The following EWSR1 variants were observed in gnomAD, a reference collection of about 807,000 sequenced individuals.
The protein encoded by EWSR1 is EWS RNA binding protein 1, also known as RNA-binding protein EWS.
Under a neutral mutation model 92.1 loss-of-function variants are expected in EWSR1, and 14 were observed. The observed-to-expected ratio is 0.15, with a 90% CI of 0.10 to 0.24. The LOEUF is 0.24. EWSR1 is among the 10% of genes least tolerant of loss of function. The pLI is 1.00. For synonymous variants in EWSR1, 303 were observed against 292.9 expected (o/e 1.03, Z -0.35); for missense variants, 637 against 870.9 (o/e 0.73, Z 3.38).
At chr22:29,282,336 C>T (rs1008415872) in intron 5 of EWSR1, 54 bp from the exon 6 acceptor site, 18 of 1,442,814 alleles carry the variant, frequency 1.2e-5, no homozygotes, top group Non-Finnish European at 1.4e-5. Flanking sequence ...TTGTGGTTGA[C>T]CAACCACACA....
chr22:29,274,854 C>T (rs1258034214), intron 4 of EWSR1, among the ~76,000 whole-genome samples: 1 of 152,060 alleles, frequency 6.6e-6, no homozygotes, highest in Non-Finnish European at 1.5e-5. Context: ...TTTTTGTGTT[C>T]AGTGCTGTGT....
chr22:29,299,064 G>T, intron 14 of EWSR1, 169 bp downstream of exon 14: 1 of 1,403,006 alleles, frequency 7.1e-7, no homozygotes, highest in Non-Finnish European at 9.7e-7. Flanking sequence ...GCCTTCTGAA[G>T]ATTGATTTGA....
At chr22:29,274,412 A>G (rs2058941312) in intron 4 of EWSR1, 1 of 978,160 alleles carries the variant, frequency 1.0e-6, no homozygotes. Context: ...GCAAGGTGCT[A>G]ATGAAAAACT....
intron 5 of EWSR1, 128 bp downstream of exon 5, chr22:29,278,344 C>T (rs1205596231): frequency 1.2e-6 from 1 of 825,398 alleles, no homozygotes; most frequent in African/African-American, 1.7e-5. Flanking sequence ...CAGATGTTCA[C>T]TGTTAGTAAC....
In EWSR1 at chr22:29,273,809, C is replaced by T. The variant is rs2058884453; in HGVS notation, c.171C>T (p.Thr57=). ...PTDVSYTQAQ[T]TATYGQTAYA... is the part of the protein sequence containing the mutation. Reference sequence around the variant, plus strand: ...ATGTCAGCTATACCCAGGCTCAGACCACTGCAACCTATGGGCAGACCGCCT... The same window carrying T: ...ATGTCAGCTATACCCAGGCTCAGACTACTGCAACCTATGGGCAGACCGCCT... Residue 57 remains threonine, a synonymous_variant, in exon 4 of 17, where the codon ACC becomes ACT. Coordinates refer to ENST00000397938, the MANE Select transcript of EWSR1 (RefSeq NM_005243.4). The T allele has an allele frequency of 6.2e-7, 1 of 1,613,980 alleles. No individual in the cohort carries two copies. The highest frequency in any genetic ancestry group is 8.5e-7 in the Non-Finnish European group (1 of 1,179,946).
intron 1 of EWSR1, 81 bp from the exon 2 acceptor site, chr22:29,272,135 C>T (rs2058729314): frequency 7.8e-7 from 1 of 1,277,550 alleles, no homozygotes; most frequent in Non-Finnish European, 1.1e-6. Context: ...TTCTTCCTGC[C>T]ACGTGAATTC....
chr22:29,285,185 G>A (rs550011200), intron 6 of EWSR1, among the ~76,000 whole-genome samples: 2 of 145,602 alleles, frequency 1.4e-5, no homozygotes, highest in South Asian at 2.2e-4. Flanking sequence ...GTGCAGTGGC[G>A]CTGTCTTGGC....
Position 29,298,870 on chromosome 22 carries a change from G to A in EWSR1, c.1555G>A (p.Ala519Thr). The change falls in exon 14 of 17, where the codon GCT (alanine) becomes ACT (threonine). Residue 519 changes from alanine to threonine, a missense_variant. Ala to Thr is a moderately conservative substitution (Grantham distance 58, BLOSUM62 0). Around this residue, in one of 5 missense-constraint regions of EWSR1, gnomAD observed 363 missense variants for 447.8 expected, o/e 0.81. Transcript: ENST00000397938. ...TGGAGGAGGAAACGTCCAGCACCGA[G>A]CTGGAGACTGGCAGTGTCCCAATCC... is the stretch of plus-strand genomic sequence containing the variant. ...PSGGGNVQHR[A>T]GDWQCPNPGC... 6.4e-7 allele frequency: 1 copy of A among 1,562,208 alleles called. No individual in the cohort carries two copies. Among genetic ancestry groups the A allele is most frequent in the South Asian group, 1.2e-5 (1 of 82,774 alleles).
rs530618847 is a variant in EWSR1 at position 29,283,822 on chromosome 22, C to T, written c.581+1265C>T. 2.7e-5 allele frequency among the ~76,000 whole-genome samples: 4 copies of T among 148,104 alleles called. No individual in the cohort carries two copies. In the South Asian group the frequency reaches 6.3e-4, roughly 23 times the overall value. ...GTGCTGGGGTGACAGGCGCGAGCCCCTGCGCCCAGCCAGTTTGTTTGTTTG... is the reference window on the plus strand; with the variant it reads ...GTGCTGGGGTGACAGGCGCGAGCCCTTGCGCCCAGCCAGTTTGTTTGTTTG... On this transcript the variant is annotated intron_variant, in intron 6 of 16. Coordinates refer to ENST00000397938, the MANE Select transcript of EWSR1 (RefSeq NM_005243.4).
chr22:29,290,460 C>T (rs375483053), intron 8 of EWSR1: 62 of 1,613,294 alleles, frequency 3.8e-5, no homozygotes, highest in African/African-American at 3.5e-4. Flanking sequence ...AAAAAGTACC[C>T]GTACTCAGTA....
intron 11 of EWSR1, among the ~76,000 whole-genome samples, chr22:29,293,379 CTG>C (rs1181242986): frequency 2.6e-5 from 4 of 152,192 alleles, no homozygotes; most frequent in Admixed American, 1.3e-4. Flanking sequence ...GGGATTTTGA[CTG>C]TTTTTCAGTT....
intron 11 of EWSR1, among the ~76,000 whole-genome samples, chr22:29,294,604 CAAAA>C (rs1029749874): frequency 1.2e-3 from 77 of 65,212 alleles, no homozygotes; most frequent in Non-Finnish European, 2.1e-3. Flanking sequence ...GACTCCGCCT[CAAAA>C]AAAAAAAAAA....
intron 5 of EWSR1, 141 bp from the exon 6 acceptor site, chr22:29,282,249 A>G (rs937507403): frequency 3.0e-6 from 2 of 659,310 alleles, no homozygotes; most frequent in South Asian, 4.4e-5. Context: ...GATTGTATTT[A>G]TTATTGTATT....
chr22:29,281,046 A>AT lies in EWSR1; in HGVS notation c.414-1338dup, dbSNP rs1356358064. ...AGGCACCCACCATGATGCCTGGCTA[A>AT]TTTTTTGTATTTTTAGTAGAGACAG... On this transcript the variant is annotated intron_variant, in intron 5 of 16. Transcript: ENST00000397938. Among the ~76,000 whole-genome samples the AT allele has an allele frequency of 2.6e-4, 39 of 151,164 alleles. 1 individual carries two copies. Among genetic ancestry groups the AT allele is most frequent in the East Asian group, 1.4e-3 (7 of 5,118 alleles).
At chr22:29,291,075 A>T (rs2060407619) in intron 8 of EWSR1, 1 of 236,626 alleles carries the variant, frequency 4.2e-6, no homozygotes, top group Non-Finnish European at 8.3e-6. Flanking sequence ...TGTGTGTTGT[A>T]GGAATTTAAT....
Position 29,298,810 on chromosome 22 carries a change from C to T in EWSR1, c.1495C>T (p.Pro499Ser). The T allele has an allele frequency of 1.9e-6, 3 of 1,608,546 alleles. No homozygotes were observed. The highest frequency in any genetic ancestry group is 2.2e-5 in the East Asian group (1 of 44,838). The stretch of plus-strand genomic sequence containing the variant: ...TGGAGGAGATAGAGGAGGCTTCCCT[C>T]CAAGAGGACCCCGGGGTTCCCGAGG... Reference protein sequence around the residue: ...GRGGDRGGFPPRGPRGSRGNP... With the variant: ...GRGGDRGGFPSRGPRGSRGNP... Residue 499 changes from proline to serine, a missense_variant, in exon 14 of 17, where the codon CCA becomes TCA. Pro to Ser is a moderately conservative substitution (Grantham distance 74). Transcript: ENST00000397938.
At chr22:29,297,285 C>T (rs1253740600) in intron 12 of EWSR1, among the ~76,000 whole-genome samples, 1 of 152,172 alleles carries the variant, frequency 6.6e-6, no homozygotes, top group Non-Finnish European at 1.5e-5. Flanking sequence ...CGAGTAGCTG[C>T]TGGACTACAG....
At chr22:29,296,971 C>T (rs953574736) in intron 12 of EWSR1, among the ~76,000 whole-genome samples, 1 of 152,150 alleles carries the variant, frequency 6.6e-6, no homozygotes, top group Non-Finnish European at 1.5e-5. Context: ...ATCACTTGAG[C>T]CCGGAGAGTT....
chr22:29,285,122 G>GT (rs35739164), intron 6 of EWSR1, among the ~76,000 whole-genome samples: 56,553 of 111,554 alleles, frequency 0.51, 15,469 homozygotes, highest in Non-Finnish European at 0.57. Flanking sequence ...TCTGGCCCTT[G>GT]TTTTTTTTTT....
Sources: allele counts gnomAD v4.1 joint callset (sites outside exome capture counted in the v4.1 genomes callset), GRCh38; gene constraint gnomAD v4.1.1; regional missense constraint gnomAD v4.1.1; transcripts MANE v1.5; gene names NCBI Gene and HGNC (gene_info 2026-07-23, HGNC 2026-07-21).